FOXP2: variants seen among roughly 807,000 people sequenced by gnomAD.
FOXP2 encodes the protein forkhead box protein P2.
FOXP2 carries 12 observed loss-of-function variants against 115.8 expected under a neutral mutation model. That is an observed-to-expected ratio of 0.10 (90% CI 0.07 to 0.17). FOXP2 has a LOEUF of 0.17. Ranked by LOEUF, FOXP2 falls within the 10% of genes least tolerant of loss-of-function variation. The pLI is 1.00. For synonymous variants in FOXP2, 328 were observed against 297.7 expected (o/e 1.10, Z -1.05); for missense variants, 629 against 843.5 (o/e 0.75, Z 3.15).
chr7:114,561,662 C>T (rs181025966), intron 3 of FOXP2: 1 of 152,236 alleles, frequency 6.6e-6, no homozygotes, highest in Non-Finnish European at 1.5e-5. Context: ...AAATATACTG[C>T]TTTTAAAACT....
chr7:114,311,665 AT>A (rs1356934354), intron 2 of FOXP2, among the ~76,000 whole-genome samples: 2 of 152,238 alleles, frequency 1.3e-5, no homozygotes, highest in East Asian at 3.9e-4. Flanking sequence ...AAACTATGTT[AT>A]TCCCCAGCTA....
chr7:114,334,912 AT>A (rs1797805353), intron 2 of FOXP2, among the ~76,000 whole-genome samples: 1 of 136,510 alleles, frequency 7.3e-6, no homozygotes, highest in Non-Finnish European at 1.6e-5. Context: ...GTATATATAT[AT>A]TTTATATATA....
At chr7:114,316,584 A>G (rs1797282270) in intron 2 of FOXP2, among the ~76,000 whole-genome samples, 1 of 152,168 alleles carries the variant, frequency 6.6e-6, no homozygotes, top group South Asian at 2.1e-4. Flanking sequence ...GGTGAGGAAG[A>G]CCTAACTCGT....
chr7:114,197,159 C>G (rs894979869), intron 1 of FOXP2, among the ~76,000 whole-genome samples: 2 of 147,792 alleles, frequency 1.4e-5, no homozygotes, highest in African/African-American at 5.0e-5. Context: ...GATTGTGCCA[C>G]TGCACTCCAG....
intron 3 of FOXP2, among the ~76,000 whole-genome samples, chr7:114,612,540 G>T (rs1027196145): frequency 1.1e-4 from 15 of 138,032 alleles, no homozygotes; most frequent in Non-Finnish European, 2.2e-4. Context: ...TGACATTCAA[G>T]AGAAGGTTAA....
chr7:114,671,993 A>G (rs1399789206), intron 16 of FOXP2, among the ~76,000 whole-genome samples: 1 of 152,234 alleles, frequency 6.6e-6, no homozygotes, highest in East Asian at 1.9e-4. Flanking sequence ...TACATTCCAT[A>G]GCCAGTTTCT....
intron 1 of FOXP2, among the ~76,000 whole-genome samples, chr7:114,168,924 C>G (rs1424279999): frequency 1.3e-5 from 2 of 152,166 alleles, no homozygotes; most frequent in African/African-American, 4.8e-5. Flanking sequence ...CTGTGGCTTC[C>G]GAGGGTTCAA....
At chr7:114,197,712 G>A (rs1793947726) in intron 1 of FOXP2, among the ~76,000 whole-genome samples, 1 of 152,092 alleles carries the variant, frequency 6.6e-6, no homozygotes, top group Non-Finnish European at 1.5e-5. Flanking sequence ...TTCTAATGGT[G>A]TACCTTTTAA....
intron 2 of FOXP2, among the ~76,000 whole-genome samples, chr7:114,443,246 T>A (rs566375098): frequency 3.3e-5 from 5 of 152,316 alleles, no homozygotes; most frequent in Admixed American, 2.0e-4. Flanking sequence ...TCTGTACTAA[T>A]AAAATAGTAA....
chr7:114,490,636 C>A (rs1216195689), intron 2 of FOXP2, among the ~76,000 whole-genome samples: 1 of 152,086 alleles, frequency 6.6e-6, no homozygotes, highest in Non-Finnish European at 1.5e-5. Context: ...GGTAAATCTC[C>A]TAATGCTATC....
intron 2 of FOXP2, among the ~76,000 whole-genome samples, chr7:114,441,255 C>T (rs1794592128): frequency 1.3e-5 from 2 of 152,000 alleles, no homozygotes; most frequent in African/African-American, 4.8e-5. Flanking sequence ...CAAGACCAGC[C>T]TGGCCAACAT....
intron 2 of FOXP2, among the ~76,000 whole-genome samples, chr7:114,379,072 T>C (rs4484606): frequency 0.95 from 144,844 of 152,084 alleles, 69,300 homozygotes; most frequent in East Asian, 1. Flanking sequence ...ATTTATTTAT[T>C]TTTATTTTTA....
At chr7:114,668,231 T>C (rs1168187650) in intron 16 of FOXP2, 1 of 152,116 alleles carries the variant, frequency 6.6e-6, no homozygotes, top group Non-Finnish European at 1.5e-5. Flanking sequence ...AATATATACC[T>C]GAGGTTGATA....
intron 2 of FOXP2, among the ~76,000 whole-genome samples, chr7:114,503,126 T>C (rs1222195116): frequency 3.3e-5 from 5 of 151,972 alleles, no homozygotes. Context: ...TTTTAGTTTA[T>C]TCTTTCTGTG....
At chr7:114,525,120 C>G (rs1171669753) in intron 2 of FOXP2, among the ~76,000 whole-genome samples, 1 of 151,986 alleles carries the variant, frequency 6.6e-6, no homozygotes, top group Non-Finnish European at 1.5e-5. Context: ...TATGCTAGAC[C>G]CATTAGTTAA....
intron 3 of FOXP2, among the ~76,000 whole-genome samples, chr7:114,562,392 C>T (rs936039323): frequency 6.6e-6 from 1 of 152,190 alleles, no homozygotes; most frequent in Non-Finnish European, 1.5e-5. Context: ...CCTTAAAGCA[C>T]TTAAGTCACA....
At chr7:114,628,431 A>G in intron 3 of FOXP2, 109 bp from the exon 4 acceptor site, 4 of 1,426,716 alleles carry the variant, frequency 2.8e-6, no homozygotes, top group Non-Finnish European at 2.9e-6. Flanking sequence ...AAAATTATTG[A>G]TCATCAATGC....
intron 2 of FOXP2, among the ~76,000 whole-genome samples, chr7:114,293,153 G>T (rs552252054): frequency 6.6e-6 from 1 of 152,074 alleles, no homozygotes; most frequent in African/African-American, 2.4e-5. Flanking sequence ...ATTTACCAGG[G>T]TTGGCCTATG....
intron 2 of FOXP2, among the ~76,000 whole-genome samples, chr7:114,355,637 T>G (rs1791601579): frequency 6.6e-6 from 1 of 152,088 alleles, no homozygotes; most frequent in Non-Finnish European, 1.5e-5. Context: ...AGCAAGTCAT[T>G]TATGTAGTTT....
Sources: allele counts gnomAD v4.1 joint callset (sites outside exome capture counted in the v4.1 genomes callset), GRCh38; gene constraint gnomAD v4.1.1; transcripts MANE v1.5; gene names NCBI Gene and HGNC (gene_info 2026-07-23, HGNC 2026-07-21).